SYNE1: variants seen among roughly 807,000 people sequenced by gnomAD.
SYNE1 encodes the protein nesprin-1.
A neutral mutation model predicts 1,111.0 loss-of-function variants in SYNE1; 616 were observed. The observed-to-expected ratio is 0.55, with a 90% CI of 0.52 to 0.59. The LOEUF is 0.59. Ranked by LOEUF, SYNE1 falls within the 20% of genes least tolerant of loss-of-function variation. The probability of loss-of-function intolerance (pLI) is 0.00; values close to 1 mark genes in which losing one functional copy is unlikely to be tolerated. For missense variants in SYNE1, 10,006 were observed against 10,417.0 expected (o/e 0.96, Z 1.72); for synonymous variants, 3,855 against 3,825.8 (o/e 1.01, Z -0.28).
intron 31 of SYNE1, 33 bp downstream of exon 31, chr6:152,442,042 C>T: frequency 6.2e-7 from 1 of 1,613,390 alleles, no homozygotes; most frequent in Non-Finnish European, 8.5e-7. Context: ...TGCCCAGCCT[C>T]TGTTTAAATG....
In SYNE1 at chr6:152,331,569, C is replaced by T. The variant is rs1423601422; in HGVS notation, c.13116G>A (p.Lys4372=). 1 of 1,614,026 alleles carries T rather than the reference C, an allele frequency of 6.2e-7. No homozygotes were observed. The highest frequency in any genetic ancestry group is 1.3e-5 in the African/African-American group (1 of 74,912). The change falls in exon 78 of 146, where the codon AAG becomes AAA. Residue 4372 remains lysine, a synonymous_variant. Transcript: ENST00000367255. ...EQQPNIAEAL[K]QSPPPDMAQN... Reference sequence around the variant, plus strand: ...GAGCCATATCTGGAGGAGGGCTCTGCTTAAGGGCCTCGGCGATGTTGGGTT... The same window carrying T: ...GAGCCATATCTGGAGGAGGGCTCTGTTTAAGGGCCTCGGCGATGTTGGGTT...
At chr6:152,487,858 G>A (rs542063793) in intron 12 of SYNE1, among the ~76,000 whole-genome samples, 8 of 152,132 alleles carry the variant, frequency 5.3e-5, no homozygotes, top group East Asian at 3.9e-4. Context: ...GGTGGATCCC[G>A]AGGTCAGGAG....
chr6:152,390,272 T>C lies in SYNE1; in HGVS notation c.8177+8A>G, dbSNP rs2097587918. On this transcript the variant is annotated splice_region_variant and intron_variant, in intron 53 of 145. Transcript: ENST00000367255. ...GACTTAAACAAACTCTAAAAATAGG[T>C]TCTGTACCTTTGAGCGTGGACGGAG... 4 of 1,613,912 alleles carry C rather than the reference T, an allele frequency of 2.5e-6. No homozygotes were observed. The highest frequency in any genetic ancestry group is 3.4e-6 in the Non-Finnish European group (4 of 1,179,964).
intron 33 of SYNE1, chr6:152,435,641 T>C (rs937269969): frequency 2.4e-5 from 10 of 423,590 alleles, no homozygotes; most frequent in African/African-American, 4.1e-5. Flanking sequence ...ATATTAGTTC[T>C]TTTTCAAGAT....
rs2096021114 is a variant in SYNE1 at position 152,325,092 on chromosome 6, T to C, written c.15649A>G (p.Asn5217Asp). ...EDAVDEWTGF[N>D]NKVKKATEMI... ...TGGACAGTGGAAACTACCTTGTTGT[T>C]AAAGCCCGTCCACTCATCCACTGCA... The change falls in exon 81 of 146, where the codon AAC (asparagine) becomes GAC (aspartate). Residue 5217 changes from asparagine (N) to aspartate (D), a missense_variant. Asn to Asp is a conservative substitution (Grantham distance 23). Transcript: ENST00000367255. The C allele has an allele frequency of 6.2e-7, 1 of 1,613,884 alleles. No homozygotes were observed. The highest frequency in any genetic ancestry group is 8.5e-7 in the Non-Finnish European group (1 of 1,180,042).
Position 152,390,130 on chromosome 6 carries a change from A to G in SYNE1, c.8177+150T>C, listed in dbSNP as rs79227772. 3.7e-3 allele frequency: 3,025 copies of G among 812,100 alleles called. 76 individuals carry two copies. The African/African-American group carries it at 0.048, about 13-fold the overall frequency. The allele number at this position is 812,100 out of a possible 1,614,324, so 50.3% of individuals were successfully genotyped here. The stretch of plus-strand genomic sequence containing the variant: ...ACAAGCAAAAACCAGTCATCGCCCT[A>G]TGGAAAACACAACTTAGACAAAGAC... On this transcript the variant is annotated intron_variant, in intron 53 of 145. Transcript: ENST00000367255.
chr6:152,359,496 G>A (rs1208731731), intron 64 of SYNE1, 38 bp from the exon 65 acceptor site: 2 of 1,613,410 alleles, frequency 1.2e-6, no homozygotes, highest in South Asian at 1.1e-5. Flanking sequence ...GGCCATTCAT[G>A]CACCATCACA....
intron 3 of SYNE1, among the ~76,000 whole-genome samples, chr6:152,564,797 G>T (rs2099406771): frequency 6.6e-6 from 1 of 152,120 alleles, no homozygotes; most frequent in South Asian, 2.1e-4. Context: ...TCCGACTCGG[G>T]ATCCCAGCAT....
At chr6:152,310,624 G>A in intron 88 of SYNE1, 64 bp downstream of exon 88, 1 of 1,608,994 alleles carries the variant, frequency 6.2e-7, no homozygotes, top group Non-Finnish European at 8.5e-7. Context: ...TTTCCATAGT[G>A]GCATTGCCAT....
At chr6:152,419,871 A>C (rs1159161688) in intron 39 of SYNE1, 149 bp from the exon 40 acceptor site, 2 of 781,166 alleles carry the variant, frequency 2.6e-6, no homozygotes, top group African/African-American at 1.7e-5. Flanking sequence ...TACTTCCCAA[A>C]CCCTGCTTTA....
intron 126 of SYNE1, 94 bp downstream of exon 126, chr6:152,206,074 T>C (rs2076449946): frequency 3.3e-6 from 4 of 1,215,340 alleles, no homozygotes; most frequent in Non-Finnish European, 4.8e-6. Flanking sequence ...TATTTCATGA[T>C]CTTTGCATTA....
chr6:152,322,938 C>T (rs985672199), intron 82 of SYNE1, among the ~76,000 whole-genome samples: 2 of 152,144 alleles, frequency 1.3e-5, no homozygotes, highest in Non-Finnish European at 2.9e-5. Flanking sequence ...CTCTCTGCGG[C>T]TTGACTGTAA....
At chr6:152,130,923 T>G (rs2055415745) in intron 144 of SYNE1, 145 bp from the exon 145 acceptor site, 11 of 770,454 alleles carry the variant, frequency 1.4e-5, no homozygotes, top group Non-Finnish European at 2.1e-6. Context: ...TTAAGGAAAC[T>G]GGCTTTTCTT....
At chr6:152,431,475 T>C (rs2154207471) in intron 34 of SYNE1, among the ~76,000 whole-genome samples, 1 of 152,332 alleles carries the variant, frequency 6.6e-6, no homozygotes, top group South Asian at 2.1e-4. Context: ...ATCTGAAAAA[T>C]ACTGATAACT....
rs2096233877 is a variant in SYNE1, at chr6:152,330,947, G to A, written c.13738C>T (p.Gln4580Ter). Residue 4580 changes from glutamine to a stop codon, truncating the protein, a stop_gained, in exon 78 of 146, where the codon CAA becomes TAA. Coordinates refer to ENST00000367255, the MANE Select transcript of SYNE1 (RefSeq NM_182961.4). LOFTEE classifies it high-confidence loss of function. ...DFDKACHWLK[Q>*]ADIVTFPEIN... is the part of the protein sequence containing the mutation. ...TCAGGAAATGTAACAATATCTGCTT[G>A]TTTTAGCCAGTGGCAAGCTTTATCA... 1 of 1,614,150 alleles carries A rather than the reference G, an allele frequency of 6.2e-7. No homozygotes were observed. The highest frequency in any genetic ancestry group is 2.2e-5 in the East Asian group (1 of 44,886).
At chr6:152,142,508 C>G (rs1311424023) in intron 138 of SYNE1, among the ~76,000 whole-genome samples, 1 of 152,212 alleles carries the variant, frequency 6.6e-6, no homozygotes, top group Admixed American at 6.5e-5. Flanking sequence ...CTTCCAAATT[C>G]ATTTTTAATA....
At chr6:152,623,969 T>G (rs868858796) in intron 3 of SYNE1, among the ~76,000 whole-genome samples, 2 of 152,098 alleles carry the variant, frequency 1.3e-5, no homozygotes, top group South Asian at 4.1e-4. Flanking sequence ...ATAAGAAATA[T>G]TATACTTAAA....
intron 16 of SYNE1, among the ~76,000 whole-genome samples, chr6:152,468,016 A>C (rs1187702771): frequency 6.6e-6 from 1 of 152,168 alleles, no homozygotes; most frequent in Non-Finnish European, 1.5e-5. Context: ...TTCTTTCAAA[A>C]TGAGGTTGAA....
intron 98 of SYNE1, among the ~76,000 whole-genome samples, chr6:152,277,294 A>G (rs1208792198): frequency 6.2e-5 from 2 of 32,470 alleles, no homozygotes; most frequent in Non-Finnish European, 6.7e-5. Flanking sequence ...TTTTTTTGTT[A>G]TGAGACAGAG....
Sources: allele counts gnomAD v4.1 joint callset (sites outside exome capture counted in the v4.1 genomes callset), GRCh38; gene constraint gnomAD v4.1.1; transcripts MANE v1.5; gene names NCBI Gene and HGNC (gene_info 2026-07-23, HGNC 2026-07-21).